C5orf63: variants seen among roughly 807,000 people sequenced by gnomAD.
C5orf63 encodes the protein glutaredoxin-like protein C5orf63.
In C5orf63, 18 loss-of-function variants were observed where a neutral mutation model predicts 13.3. The observed-to-expected ratio is 1.36, with a 90% confidence interval of 0.94 to 2.01. The LOEUF is 2.01. Ranked by LOEUF, C5orf63 falls within the 30% of genes most tolerant of loss-of-function variation. The pLI is 0.00. For missense variants in C5orf63, 118 were observed against 127.7 expected, an observed-to-expected ratio of 0.92 and a Z score of 0.36; for synonymous variants, 38 against 44.7, an observed-to-expected ratio of 0.85 and a Z score of 0.60.
intron 2 of C5orf63, among the ~76,000 whole-genome samples, chr5:127,059,470 G>T (rs1378708866): frequency 2.6e-5 from 4 of 152,164 alleles, no homozygotes; most frequent in Non-Finnish European, 5.9e-5. Flanking sequence ...GCTCACACCT[G>T]TAATCCTGGC....
At chr5:127,048,810 G>A (rs551873612), downstream of C5orf63, among the ~76,000 whole-genome samples, 35 of 152,246 alleles carry the variant, frequency 2.3e-4, 1 homozygote, top group South Asian at 5.8e-3. Context: ...AACGTCTCTA[G>A]GCTTTCTGGC....
chr5:127,066,224 C>T (rs1046015002), intron 2 of C5orf63, among the ~76,000 whole-genome samples: 10 of 152,072 alleles, frequency 6.6e-5, no homozygotes, highest in Admixed American at 6.6e-4. Flanking sequence ...GGCATCAGAT[C>T]ACGTAGGCCT....
At chr5:127,058,374 C>A (rs1409163347) in intron 3 of C5orf63, among the ~76,000 whole-genome samples, 2 of 152,180 alleles carry the variant, frequency 1.3e-5, no homozygotes, top group African/African-American at 2.4e-5. Context: ...ATTATTTCAT[C>A]TATTTTATGG....
downstream of C5orf63, among the ~76,000 whole-genome samples, chr5:127,050,563 G>A (rs1175636088): frequency 6.6e-6 from 1 of 152,144 alleles, no homozygotes; most frequent in Non-Finnish European, 1.5e-5. Context: ...CCTGCAATGA[G>A]TCCAGAGAGT....
At chr5:127,051,224 ATTCTC>A (rs1753661316), downstream of C5orf63, 1 of 945,822 alleles carries the variant, frequency 1.1e-6, no homozygotes, top group Admixed American at 4.3e-5. Flanking sequence ...TAGGATAATA[ATTCTC>A]TTCTACTCAA....
chr5:127,054,151 A>C (rs1461560889), intron 3 of C5orf63, among the ~76,000 whole-genome samples: 3 of 152,172 alleles, frequency 2.0e-5, no homozygotes, highest in East Asian at 1.9e-4. Context: ...TTTTAGAAGA[A>C]TCTAGATTGG....
chr5:127,058,045 AT>A (rs986610687), intron 3 of C5orf63, among the ~76,000 whole-genome samples: 135 of 151,840 alleles, frequency 8.9e-4, no homozygotes, highest in African/African-American at 3.0e-3. Context: ...TATTAAAAAA[AT>A]TTTTTTTTCA....
chr5:127,072,884 T>G (rs939948424), intron 1 of C5orf63, among the ~76,000 whole-genome samples: 4 of 152,230 alleles, frequency 2.6e-5, no homozygotes, highest in African/African-American at 9.6e-5. Flanking sequence ...ATTTATTCTC[T>G]CATTGTTCAG....
chr5:127,047,806 A>G (rs1365147966), downstream of C5orf63: 1 of 703,970 alleles, frequency 1.4e-6, no homozygotes, highest in Non-Finnish European at 2.6e-6. Context: ...GACTTGGTTT[A>G]AAGTTAAGTT....
At chr5:127,059,944 A>G (rs1561490699) in intron 2 of C5orf63, among the ~76,000 whole-genome samples, 2 of 152,028 alleles carry the variant, frequency 1.3e-5, no homozygotes, top group African/African-American at 2.4e-5. Context: ...GTTTGAGACC[A>G]GCTTGACCAA....
intron 2 of C5orf63, among the ~76,000 whole-genome samples, chr5:127,067,317 T>G (rs184153909): frequency 2.0e-5 from 3 of 152,336 alleles, no homozygotes; most frequent in African/African-American, 7.2e-5. Context: ...ATAATAATGA[T>G]TCTATTGACT....
downstream of C5orf63, among the ~76,000 whole-genome samples, chr5:127,048,282 C>T (rs1400874348): frequency 6.6e-6 from 1 of 150,694 alleles, no homozygotes; most frequent in East Asian, 2.0e-4. Flanking sequence ...CACACACACA[C>T]ACACACACAA....
At chr5:127,044,984 C>T (rs1160977793), downstream of C5orf63, 1 of 152,076 alleles carries the variant, frequency 6.6e-6, no homozygotes, top group Non-Finnish European at 1.5e-5. Flanking sequence ...TCAATTACCT[C>T]TGGTCTTTAG....
At chr5:127,071,757 C>G (rs894406125) in intron 1 of C5orf63, 72 bp from the exon 2 acceptor site, 2 of 152,206 alleles carry the variant, frequency 1.3e-5, no homozygotes, top group African/African-American at 4.8e-5. Context: ...TGTACCAGAT[C>G]ACCTCAAGGT....
At chr5:127,073,405 G>A (rs376551022) in intron 1 of C5orf63, 46 bp downstream of exon 1, 1 of 152,308 alleles carries the variant, frequency 6.6e-6, no homozygotes, top group African/African-American at 2.4e-5. Context: ...CTCAGAGGCG[G>A]AGACCCGCGA....
intron 1 of C5orf63, among the ~76,000 whole-genome samples, chr5:127,072,383 G>A (rs1248381174): frequency 6.6e-6 from 1 of 152,080 alleles, no homozygotes; most frequent in African/African-American, 2.4e-5. Flanking sequence ...CCAAATATTG[G>A]TAGAGAGCTT....
intron 3 of C5orf63, among the ~76,000 whole-genome samples, chr5:127,055,405 C>T (rs1421997449): frequency 6.6e-6 from 1 of 152,128 alleles, no homozygotes; most frequent in Non-Finnish European, 1.5e-5. Flanking sequence ...TGAACAGGGA[C>T]CTGCTATAGG....
chr5:127,062,014 G>C lies in C5orf63; in HGVS notation c.-7-3012C>G, dbSNP rs150394477. 4.8e-3 allele frequency among the ~76,000 whole-genome samples: 738 copies of C among 152,296 alleles called. 12 individuals carry two copies. The highest frequency in any genetic ancestry group is 0.017 in the African/African-American group (707 of 41,566). ...AGATTTATTGACGTCTGGTTGATAA[G>C]AAAAGGAAAACATTGCTTTTACCTG... On this transcript the variant is annotated intron_variant, in intron 2 of 4. Transcript: ENST00000296662.
downstream of C5orf63, chr5:127,043,424 C>A (rs904768494): frequency 1.3e-5 from 2 of 152,130 alleles, no homozygotes; most frequent in African/African-American, 4.8e-5. Flanking sequence ...AGAACCCTAA[C>A]TTGAGAATGC....
Sources: allele counts gnomAD v4.1 joint callset (sites outside exome capture counted in the v4.1 genomes callset), GRCh38; gene constraint gnomAD v4.1.1; transcripts MANE v1.5; gene names NCBI Gene and HGNC (gene_info 2026-07-23, HGNC 2026-07-21).